The following ARR3 variants were observed in gnomAD, a reference collection of about 807,000 sequenced individuals.
ARR3 encodes the protein arrestin 3.
In ARR3, 14 loss-of-function variants were observed where a neutral mutation model predicts 35.4. The observed-to-expected ratio is 0.40, with a 90% CI of 0.26 to 0.62. ARR3 has a LOEUF of 0.62. Among genes scored for constraint, ARR3 ranks in the 20% least tolerant of loss-of-function variants. ARR3 has a pLI of 0.46. For missense variants in ARR3, 259 were observed against 303.8 expected (o/e 0.85, Z 1.10); for synonymous variants, 97 against 119.1 (o/e 0.81, Z 1.21).
intron 10 of ARR3, 29 bp from the exon 11 acceptor site, chrX:70,278,037 T>C: frequency 8.3e-7 from 1 of 1,200,039 alleles, no homozygotes; most frequent in South Asian, 1.8e-5. Flanking sequence ...TGACTGATTA[T>C]AATCATGTGC....
chrX:70,271,264 T>A (rs975722906), intron 5 of ARR3, among the ~76,000 whole-genome samples: 3 of 112,525 alleles, frequency 2.7e-5, no homozygotes, highest in African/African-American at 9.7e-5. Flanking sequence ...CAGGAAGAGA[T>A]GCATTTTTCC....
intron 2 of ARR3, 104 bp downstream of exon 2, chrX:70,269,497 T>A: frequency 1.0e-6 from 1 of 983,712 alleles, no homozygotes; most frequent in Non-Finnish European, 1.4e-6. Flanking sequence ...CTAACTTGTG[T>A]CCTTGGATTC....
At chrX:70,274,981 T>C (rs1221304128) in intron 5 of ARR3, among the ~76,000 whole-genome samples, 1 of 112,561 alleles carries the variant, frequency 8.9e-6, no homozygotes, top group African/African-American at 3.2e-5. Flanking sequence ...AGTATTCCAT[T>C]ATGTGAATAT....
intron 7 of ARR3, 48 bp downstream of exon 7, chrX:70,276,540 G>A (rs775118148): frequency 1.4e-5 from 16 of 1,181,122 alleles, no homozygotes; most frequent in Non-Finnish European, 1.7e-5. Flanking sequence ...CCAGGGAAGA[G>A]GAACAGTGGG....
At chrX:70,280,089 TA>T in intron 12 of ARR3, 105 bp from the exon 13 acceptor site, 1 of 733,391 alleles carries the variant, frequency 1.4e-6, no homozygotes, top group Non-Finnish European at 2.1e-6. Context: ...GGGATAAGAC[TA>T]AACATAATAG....
At chrX:70,272,925 T>C (rs2085635502) in intron 5 of ARR3, among the ~76,000 whole-genome samples, 2 of 112,202 alleles carry the variant, frequency 1.8e-5, no homozygotes, top group South Asian at 7.3e-4. Flanking sequence ...TATTTTTTCT[T>C]TGGGTCAGAG....
At chrX:70,273,094 AATCTTAG>A (rs991007165) in intron 5 of ARR3, among the ~76,000 whole-genome samples, 1 of 110,923 alleles carries the variant, frequency 9.0e-6, no homozygotes, top group African/African-American at 3.3e-5. Flanking sequence ...ATTTCTTTCA[AATCTTAG>A]ATACCTGTTA....
intron 5 of ARR3, among the ~76,000 whole-genome samples, chrX:70,270,853 C>G (rs183802743): frequency 9.1e-6 from 1 of 110,441 alleles, no homozygotes; most frequent in African/African-American, 3.3e-5. Context: ...AAACATTACT[C>G]TGGCAGCAGT....
At position 70,274,183 on chromosome X, in the gene ARR3, A is replaced by AT. The variant is rs748546631; in HGVS notation, c.146-1893dup. 3.0e-5 allele frequency among the ~76,000 whole-genome samples: 3 copies of AT among 100,292 alleles called. No individual in the cohort carries two copies. The East Asian group carries it at 9.2e-4, about 31-fold the overall frequency. 87.1% of individuals were successfully genotyped at this position (100,292 alleles called of 115,157 possible). On this transcript the variant is annotated intron_variant, in intron 5 of 16. Transcript: ENST00000307959. The stretch of plus-strand genomic sequence containing the variant: ...ACTGTACCTATCATTCTGCAGCTAG[A>AT]TTTTTTGTTCAGTAGCTTTTTTTTT...
Position 70,280,758 on chromosome X carries a change from C to A in ARR3, c.1014-8C>A, listed in dbSNP as rs746027287. 8.3e-6 allele frequency: 10 copies of A among 1,210,979 alleles called. No individual in the cohort carries two copies. The highest frequency in any genetic ancestry group is 1.1e-5 in the Non-Finnish European group (10 of 895,251). On this transcript the variant is annotated splice_polypyrimidine_tract_variant and splice_region_variant and intron_variant, in intron 14 of 16. Transcript: ENST00000307959. ...AGGAGATGTAACTCCACCTTGGGAT[C>A]CTTGCAGCGATGTTGGTGTGGAGCT... is the stretch of plus-strand genomic sequence containing the variant.
At chrX:70,277,253 T>G in intron 8 of ARR3, 141 bp from the exon 9 acceptor site, 1 of 828,651 alleles carries the variant, frequency 1.2e-6, no homozygotes, top group South Asian at 2.9e-5. Context: ...CATGCTTACA[T>G]TAAGGGACTA....
At chrX:70,281,428 C>G (rs752566471) in intron 16 of ARR3, among the ~76,000 whole-genome samples, 7 of 110,581 alleles carry the variant, frequency 6.3e-5, no homozygotes, top group African/African-American at 2.3e-4. Context: ...TTCCCTCCTT[C>G]CCATCCCTCA....
At chrX:70,271,843 T>C (rs2085631218) in intron 5 of ARR3, among the ~76,000 whole-genome samples, 1 of 111,789 alleles carries the variant, frequency 8.9e-6, no homozygotes, top group Non-Finnish European at 1.9e-5. Context: ...TATACATTAA[T>C]AACTTTAAAA....
intron 12 of ARR3, 34 bp downstream of exon 12, chrX:70,278,675 C>T: frequency 8.4e-7 from 1 of 1,193,187 alleles, no homozygotes; most frequent in Non-Finnish European, 1.1e-6. Context: ...CCTCCATTTC[C>T]TACCCCTCAA....
chrX:70,277,566 C>A (rs751746841), intron 9 of ARR3, 37 bp downstream of exon 9: 19 of 1,198,049 alleles, frequency 1.6e-5, no homozygotes, highest in Admixed American at 8.9e-5. Context: ...CACCCCAGAA[C>A]CCCTCTGATG....
intron 5 of ARR3, among the ~76,000 whole-genome samples, chrX:70,272,612 G>T (rs1445952652): frequency 9.0e-6 from 1 of 111,703 alleles, no homozygotes; most frequent in Admixed American, 9.5e-5. Context: ...CCTAGAAGAG[G>T]AATTAATGGC....
intron 12 of ARR3, 52 bp from the exon 13 acceptor site, chrX:70,280,143 T>A: frequency 9.2e-7 from 1 of 1,088,164 alleles, no homozygotes; most frequent in Non-Finnish European, 1.3e-6. Flanking sequence ...GGGGACAGAA[T>A]GAATTACTCT....
intron 16 of ARR3, among the ~76,000 whole-genome samples, chrX:70,281,398 G>A (rs1001267125): frequency 8.4e-5 from 9 of 106,981 alleles, no homozygotes; most frequent in African/African-American, 3.1e-4. Context: ...TACTTCTTTC[G>A]TCTTTCATTC....
intron 9 of ARR3, 39 bp from the exon 10 acceptor site, chrX:70,277,677 G>C (rs772862063): frequency 8.4e-7 from 1 of 1,189,881 alleles, no homozygotes; most frequent in African/African-American, 1.7e-5. Flanking sequence ...CTGCGTATTC[G>C]TCCTCCAGCC....
Sources: gnomAD v4.1 joint callset for allele counts (sites outside exome capture counted in the v4.1 genomes callset) on GRCh38, gnomAD v4.1.1 for gene constraint, MANE v1.5 for transcripts, NCBI Gene and HGNC (gene_info 2026-07-23, HGNC 2026-07-21) for gene names.